CIP2A: variants seen among roughly 807,000 people sequenced by gnomAD.
The protein encoded by CIP2A is cellular inhibitor of PP2A.
CIP2A carries 103 observed loss-of-function variants against 110.9 expected under a neutral mutation model. The ratio of observed to expected loss-of-function variants is 0.93; its 90% CI spans 0.79 to 1.09. CIP2A has a LOEUF of 1.09. CIP2A is among the 50% of genes least tolerant of loss of function. The pLI is 0.00. For synonymous variants in CIP2A, 381 were observed against 361.6 expected, an observed-to-expected ratio of 1.05 and a Z score of -0.61; for missense variants, 1,088 against 1,038.4, an observed-to-expected ratio of 1.05 and a Z score of -0.66.
At position 108,551,569 on chromosome 3, in the gene CIP2A, T is replaced by C. The variant is rs374040079; in HGVS notation, c.2548-250A>G. Among the ~76,000 whole-genome samples, 11 of 152,104 alleles carry C rather than the reference T, an allele frequency of 7.2e-5. 1 individual carries two copies. The highest frequency in any genetic ancestry group is 5.8e-4 in the East Asian group (3 of 5,196). On this transcript the variant is annotated intron_variant, in intron 20 of 20. Coordinates refer to ENST00000295746, the MANE Select transcript of CIP2A (RefSeq NM_020890.3). ...TAAGTTAATGCCAGCAGCTGAAATT[T>C]TGCAGAAAATACTACACACTACATA... is the stretch of plus-strand genomic sequence containing the variant.
intron 8 of CIP2A, among the ~76,000 whole-genome samples, chr3:108,572,060 A>C (rs779649095): frequency 2.6e-5 from 4 of 152,092 alleles, no homozygotes; most frequent in Non-Finnish European, 5.9e-5. Context: ...GGATATATAC[A>C]TACAATGTAG....
rs769351937 is a variant in CIP2A at position 108,552,381 on chromosome 3, G to GA, written c.2408-9dup. On this transcript the variant is annotated splice_polypyrimidine_tract_variant and intron_variant, in intron 19 of 20. Transcript: ENST00000295746. Reference sequence around the variant, plus strand: ...TTGTTTTTTGATGCAAATCTTAAAAGAAAAAAAAGTCAAGTATTATACTCA... The same window carrying GA: ...TTGTTTTTTGATGCAAATCTTAAAAGAAAAAAAAAGTCAAGTATTATACTCA... 27 of 1,491,030 alleles carry GA rather than the reference G, an allele frequency of 1.8e-5. No individual in the cohort carries two copies. The highest frequency in any genetic ancestry group is 5.1e-5 in the South Asian group (4 of 78,920). The allele number at this position is 1,491,030 out of a possible 1,614,324, so 92.4% of individuals were successfully genotyped here.
rs1307079516 is a variant in CIP2A at position 108,589,361 on chromosome 3, G to C, written c.15C>G (p.Ala5=). 1 of 1,613,226 alleles carries C rather than the reference G, an allele frequency of 6.2e-7. No individual in the cohort carries two copies. The highest frequency in any genetic ancestry group is 8.5e-7 in the Non-Finnish European group (1 of 1,179,534). The change falls in exon 1 of 21, where the codon GCC becomes GCG. Residue 5 remains alanine (A), a synonymous_variant. Coordinates refer to ENST00000295746, the MANE Select transcript of CIP2A (RefSeq NM_020890.3). The stretch of plus-strand genomic sequence containing the variant: ...CAGTCAGGAGCAAGGACTTCAAGCA[G>C]GCAGTGGAGTCCATTGCACCGGCCG... MDST[A]CLKSLLLTVS...
chr3:108,553,513 G>T, intron 19 of CIP2A, 135 bp downstream of exon 19: 1 of 753,300 alleles, frequency 1.3e-6, no homozygotes, highest in Non-Finnish European at 2.0e-6. Flanking sequence ...ATTATGTCAA[G>T]AAAAGGGAAG....
intron 4 of CIP2A, 96 bp from the exon 5 acceptor site, chr3:108,581,607 T>C: frequency 1.4e-6 from 1 of 703,188 alleles, no homozygotes; most frequent in South Asian, 1.9e-5. Flanking sequence ...GTTAAGTTTA[T>C]ACATTTCAAT....
intron 19 of CIP2A, 107 bp from the exon 20 acceptor site, chr3:108,552,480 G>T: frequency 6.9e-6 from 4 of 582,356 alleles, no homozygotes; most frequent in East Asian, 3.2e-5. Flanking sequence ...CTAGAACAAG[G>T]AAGAGAAACT....
chr3:108,555,738 G>C (rs553066872), intron 17 of CIP2A, among the ~76,000 whole-genome samples: 1 of 152,140 alleles, frequency 6.6e-6, no homozygotes, highest in South Asian at 2.1e-4. Context: ...AAATCTTTGG[G>C]TCTACCCATG....
Position 108,581,466 on chromosome 3 carries a change from C to T in CIP2A, c.498G>A (p.Leu166=), listed in dbSNP as rs754248625. 24 of 1,613,046 alleles carry T rather than the reference C, an allele frequency of 1.5e-5. No homozygotes were observed. In the South Asian group the frequency reaches 2.6e-4, roughly 18 times the overall value. Residue 166 remains leucine (L), a synonymous_variant, in exon 5 of 21, where the codon TTG becomes TTA. Coordinates refer to ENST00000295746, the MANE Select transcript of CIP2A (RefSeq NM_020890.3). ...AAAGATTGTGCCGACAAAGATTTGC[C>T]AATAATCCTAGACAAGGCATTTTTA... The part of the protein sequence containing the change: ...DELKMPCLGL[L]ANLCRHNLSV...
chr3:108,579,509 T>G, intron 6 of CIP2A, 57 bp downstream of exon 6: 2 of 1,558,850 alleles, frequency 1.3e-6, no homozygotes, highest in Non-Finnish European at 1.7e-6. Flanking sequence ...AAAGTCTCAA[T>G]GACTTTTAAA....
At chr3:108,560,463 G>A (rs375331856) in intron 14 of CIP2A, among the ~76,000 whole-genome samples, 186 bp downstream of exon 14, 1 of 152,062 alleles carries the variant, frequency 6.6e-6, no homozygotes, top group Admixed American at 6.6e-5. Flanking sequence ...GTAAGCCACC[G>A]CACCCGGCAA....
chr3:108,564,840 C>A (rs1938126673), intron 12 of CIP2A, among the ~76,000 whole-genome samples: 1 of 151,790 alleles, frequency 6.6e-6, no homozygotes, highest in African/African-American at 2.4e-5. Flanking sequence ...GAACTTTGAA[C>A]TAAATTTGTT....
At position 108,553,648 on chromosome 3, in the gene CIP2A, T is replaced by C. The variant is rs552946430; in HGVS notation, c.2407A>G (p.Asn803Asp). The C allele has an allele frequency of 1.3e-4, 210 of 1,557,478 alleles. 1 individual carries two copies. In the South Asian group the frequency reaches 2.1e-3, roughly 16 times the overall value. The change falls in exon 19 of 21, where the codon AAT (asparagine) becomes GAT (aspartate). Residue 803 changes from asparagine (N) to aspartate (D), a missense_variant and splice_region_variant. Coordinates refer to ENST00000295746, the MANE Select transcript of CIP2A (RefSeq NM_020890.3). ...QLVDREHKLA[N>D]LHQKTKVQEE... ...ATGTATTAAATAAGAAGCCACTTACTTGCTAGCTTATGTTCTCTGTCTACT... is the reference window on the plus strand; with the variant it reads ...ATGTATTAAATAAGAAGCCACTTACCTGCTAGCTTATGTTCTCTGTCTACT...
intron 14 of CIP2A, 124 bp from the exon 15 acceptor site, chr3:108,560,152 T>C: frequency 3.3e-6 from 2 of 614,716 alleles, no homozygotes; most frequent in Non-Finnish European, 5.7e-6. Context: ...TAAAAACAAA[T>C]GCTACATCAG....
In CIP2A at chr3:108,554,433, T is replaced by C. The variant is rs894728622; in HGVS notation, c.2267A>G (p.Asn756Ser). 1.9e-6 allele frequency: 3 copies of C among 1,569,284 alleles called. No homozygotes were observed. The highest frequency in any genetic ancestry group is 2.6e-6 in the Non-Finnish European group (3 of 1,144,318). The change falls in exon 18 of 21, where the codon AAT (asparagine) becomes AGT (serine). Residue 756 changes from asparagine (N) to serine (S), a missense_variant. Coordinates refer to ENST00000295746, the MANE Select transcript of CIP2A (RefSeq NM_020890.3). ...CTTTTTCACTGTCTCAATTTGTTTA[T>C]TCAGAGAATCACATGTGATCTGTAA... ...KDLQITCDSL[N>S]KQIETVKKLN...
At chr3:108,581,311 A>C in intron 5 of CIP2A, 104 bp downstream of exon 5, 1 of 785,424 alleles carries the variant, frequency 1.3e-6, no homozygotes, top group South Asian at 1.8e-5. Flanking sequence ...TAAGACACAG[A>C]ATCCTTGTTC....
intron 7 of CIP2A, among the ~76,000 whole-genome samples, chr3:108,578,030 G>C (rs1466977086): frequency 6.6e-6 from 1 of 152,202 alleles, no homozygotes; most frequent in Admixed American, 6.5e-5. Flanking sequence ...ATGCAGTTAA[G>C]TTAGACTTTG....
chr3:108,556,103 G>A (rs1937793897), intron 17 of CIP2A, among the ~76,000 whole-genome samples: 7 of 152,116 alleles, frequency 4.6e-5, no homozygotes, highest in Admixed American at 4.6e-4. Flanking sequence ...TTTATCAGTG[G>A]TGCCTCAAAC....
In CIP2A at chr3:108,565,407, T is replaced by C. The variant is rs775297142; in HGVS notation, c.1463A>G (p.Lys488Arg). 3.3e-5 allele frequency: 53 copies of C among 1,603,172 alleles called. No homozygotes were observed. Among genetic ancestry groups the C allele is most frequent in the Non-Finnish European group, 4.0e-5 (47 of 1,174,210 alleles). Residue 488 changes from lysine to arginine, a missense_variant, in exon 12 of 21, where the codon AAA (lysine) becomes AGA (arginine). Lys to Arg is a conservative substitution (Grantham distance 26). Transcript: ENST00000295746. Reference protein sequence around the residue: ...VILKTLDLINKLKPLVPGMEV... With the variant: ...VILKTLDLINRLKPLVPGMEV... ...CATACCAGGAACCAATGGTTTAAGT[T>C]TGTTAATCAAATCAAGAGTTTTCAA...
At chr3:108,569,942 A>C (rs530875168) in intron 8 of CIP2A, among the ~76,000 whole-genome samples, 1 of 152,134 alleles carries the variant, frequency 6.6e-6, no homozygotes, top group East Asian at 1.9e-4. Flanking sequence ...GACCAAAAAA[A>C]CCCTAAAAAA....
Sources: allele counts gnomAD v4.1 joint callset (sites outside exome capture counted in the v4.1 genomes callset), GRCh38; gene constraint gnomAD v4.1.1; transcripts MANE v1.5; gene names NCBI Gene and HGNC (gene_info 2026-07-23, HGNC 2026-07-21).